IL1R2: variants seen among roughly 807,000 people sequenced by gnomAD.
The protein encoded by IL1R2 is interleukin 1 receptor type 2, also known as interleukin-1 receptor type 2.
IL1R2 carries 46 observed loss-of-function variants against 39.5 expected under a neutral mutation model. The observed-to-expected ratio is 1.16, with a 90% CI of 0.92 to 1.49. The LOEUF is 1.49. Among genes scored for constraint, IL1R2 ranks in the 40% most tolerant of loss-of-function variants. The pLI is 0.00. For missense variants in IL1R2, 537 were observed against 502.0 expected (o/e 1.07, Z -0.67); for synonymous variants, 207 against 189.6 (o/e 1.09, Z -0.75).
chr2:102,027,436 C>T (rs886413498), intron 8 of IL1R2, among the ~76,000 whole-genome samples: 8 of 152,070 alleles, frequency 5.3e-5, no homozygotes, highest in African/African-American at 9.7e-5. Context: ...TGTGGCTGGC[C>T]GTGACTGATC....
At chr2:102,024,811 G>T in intron 7 of IL1R2, 143 bp downstream of exon 7, 1 of 1,054,828 alleles carries the variant, frequency 9.5e-7, no homozygotes, top group Non-Finnish European at 1.3e-6. Context: ...TTAAAAAATT[G>T]TATTTTGCTA....
At chr2:102,013,568 A>G (rs1301706724) in intron 3 of IL1R2, among the ~76,000 whole-genome samples, 1 of 142,156 alleles carries the variant, frequency 7.0e-6, no homozygotes, top group African/African-American at 2.7e-5. Context: ...GAAAGAAAAG[A>G]AAAGAAGGAA....
intron 8 of IL1R2, among the ~76,000 whole-genome samples, chr2:102,027,383 G>T (rs1388512320): frequency 6.6e-6 from 1 of 152,152 alleles, no homozygotes; most frequent in African/African-American, 2.4e-5. Flanking sequence ...CCCTGATGCT[G>T]GGAACCTTTA....
At chr2:102,003,144 G>GTGTCTGTGTCTC (rs1676017067) in intron 1 of IL1R2, among the ~76,000 whole-genome samples, 1 of 117,886 alleles carries the variant, frequency 8.5e-6, no homozygotes, top group African/African-American at 2.6e-5. Flanking sequence ...GTCTATGTCT[G>GTGTCTGTGTCTC]TGTCTGTGTC....
intron 1 of IL1R2, among the ~76,000 whole-genome samples, 189 bp downstream of exon 1, chr2:101,992,200 GA>G (rs1283751536): frequency 6.6e-6 from 1 of 151,358 alleles, no homozygotes; most frequent in Non-Finnish European, 1.5e-5. Context: ...GAGACAGGCA[GA>G]GAGACAGAAA....
chr2:102,015,927 A>T lies in IL1R2; in HGVS notation c.389A>T (p.Asp130Val), dbSNP rs1250949344. ...SIELRVFENTDAFLPFISYPQ... is the reference protein window; with the variant it reads ...SIELRVFENTVAFLPFISYPQ... ...GAGCTCAGAGTTTTTGAGAATACAG[A>T]TGCTTTCCTGCCGTTCATCTCATAC... Residue 130 changes from aspartate to valine, a missense_variant, in exon 4 of 9, where the codon GAT becomes GTT. Coordinates refer to ENST00000332549, the MANE Select transcript of IL1R2 (RefSeq NM_004633.4). The T allele has an allele frequency of 3.7e-6, 6 of 1,614,006 alleles. No homozygotes were observed. In the South Asian group the frequency reaches 6.6e-5, roughly 18 times the overall value.
intron 8 of IL1R2, 92 bp from the exon 9 acceptor site, chr2:102,028,134 A>G (rs1434311105): frequency 8.9e-7 from 1 of 1,124,334 alleles, no homozygotes; most frequent in African/African-American, 1.6e-5. Context: ...ACAAACTCCA[A>G]TTTCTTTCTT....
chr2:101,993,257 G>T (rs942872121), intron 1 of IL1R2, among the ~76,000 whole-genome samples: 4 of 152,158 alleles, frequency 2.6e-5, no homozygotes, highest in Non-Finnish European at 5.9e-5. Flanking sequence ...CCCCAGAGGC[G>T]AACTGGCCTG....
At chr2:102,016,939 C>A (rs941126458) in intron 4 of IL1R2, among the ~76,000 whole-genome samples, 1 of 152,100 alleles carries the variant, frequency 6.6e-6, no homozygotes, top group African/African-American at 2.4e-5. Flanking sequence ...TTAATATGTT[C>A]TATTAGTCCT....
chr2:102,005,194 C>G (rs949560068), intron 1 of IL1R2, among the ~76,000 whole-genome samples: 3 of 152,174 alleles, frequency 2.0e-5, no homozygotes, highest in Non-Finnish European at 4.4e-5. Context: ...ACAAACCTTC[C>G]CATAATTCCC....
intron 5 of IL1R2, among the ~76,000 whole-genome samples, chr2:102,021,249 C>T (rs1185156786): frequency 6.6e-6 from 1 of 151,950 alleles, no homozygotes; most frequent in East Asian, 1.9e-4. Context: ...GCCCTCACCC[C>T]CCAGGTGTCC....
chr2:102,023,400 G>C (rs1677519575), intron 6 of IL1R2: 1 of 152,236 alleles, frequency 6.6e-6, no homozygotes, highest in African/African-American at 2.4e-5. Flanking sequence ...GGGCTTCCCA[G>C]CCAAGTTCCA....
chr2:102,007,151 G>A (rs796616732), intron 1 of IL1R2, among the ~76,000 whole-genome samples: 41 of 152,318 alleles, frequency 2.7e-4, no homozygotes, highest in African/African-American at 9.1e-4. Flanking sequence ...CGTTGTGGCC[G>A]TGGTTAGCAG....
intron 1 of IL1R2, among the ~76,000 whole-genome samples, chr2:101,994,896 T>C (rs1043673445): frequency 1.3e-5 from 2 of 152,240 alleles, no homozygotes; most frequent in Admixed American, 1.3e-4. Context: ...AAGAAGTTAG[T>C]GTAAAGTTTT....
chr2:102,008,751 G>C, intron 2 of IL1R2, 109 bp downstream of exon 2: 1 of 909,542 alleles, frequency 1.1e-6, no homozygotes, highest in Non-Finnish European at 1.8e-6. Flanking sequence ...GGCCGAGCTC[G>C]GTGGCTGCCG....
chr2:102,016,951 A>T (rs1038124106), intron 4 of IL1R2, among the ~76,000 whole-genome samples: 1 of 152,214 alleles, frequency 6.6e-6, no homozygotes, highest in Non-Finnish European at 1.5e-5. Flanking sequence ...ATTAGTCCTT[A>T]TGTGGGTTGA....
intron 7 of IL1R2, chr2:102,024,967 C>T (rs1677643904): frequency 2.9e-6 from 1 of 344,846 alleles, no homozygotes. Context: ...TTTTGGAGTT[C>T]ATATCTTTCC....
At chr2:102,026,310 G>A in intron 8 of IL1R2, 57 bp downstream of exon 8, 2 of 1,315,416 alleles carry the variant, frequency 1.5e-6, no homozygotes, top group East Asian at 2.4e-5. Context: ...AATGTTCCAT[G>A]GATACTAGAC....
In IL1R2 at chr2:102,019,704, G is replaced by A. The variant is rs201409941; in HGVS notation, c.580G>A (p.Val194Ile). 175 of 1,613,788 alleles carry A rather than the reference G, an allele frequency of 1.1e-4. No homozygotes were observed. The highest frequency in any genetic ancestry group is 1.7e-4 in the Middle Eastern group (1 of 6,060). Reference protein sequence around the residue: ...LSVRGTTHLLVHDVALEDAGY... With the variant: ...LSVRGTTHLLIHDVALEDAGY... ...TGTGAGGGGGACCACTCACTTACTCGTACACGATGTGGCCCTGGAAGATGC... is the reference window on the plus strand; with the variant it reads ...TGTGAGGGGGACCACTCACTTACTCATACACGATGTGGCCCTGGAAGATGC... Residue 194 changes from valine (V) to isoleucine (I), a missense_variant, in exon 5 of 9, where the codon GTA (valine) becomes ATA (isoleucine). Transcript: ENST00000332549.
Sources: allele counts gnomAD v4.1 joint callset (sites outside exome capture counted in the v4.1 genomes callset), GRCh38; gene constraint gnomAD v4.1.1; transcripts MANE v1.5; gene names NCBI Gene and HGNC (gene_info 2026-07-23, HGNC 2026-07-21).